LIPF: variants seen among roughly 807,000 people sequenced by gnomAD.
The protein encoded by LIPF is gastric triacylglycerol lipase.
In LIPF, 25 loss-of-function variants were observed where a neutral mutation model predicts 38.0. The ratio of observed to expected loss-of-function variants is 0.66; its 90% CI spans 0.48 to 0.92. LIPF has a LOEUF of 0.92. Among genes scored for constraint, LIPF ranks in the 40% least tolerant of loss-of-function variants. The probability of loss-of-function intolerance (pLI) is 0.00; values close to 1 mark genes in which losing one functional copy is unlikely to be tolerated. For synonymous variants in LIPF, 161 were observed against 156.2 expected, an observed-to-expected ratio of 1.03 and a Z score of -0.23; for missense variants, 410 against 469.9, an observed-to-expected ratio of 0.87 and a Z score of 1.18.
intron 7 of LIPF, 61 bp downstream of exon 7, chr10:88,673,795 C>A: frequency 1.4e-6 from 2 of 1,380,386 alleles, no homozygotes; most frequent in South Asian, 1.2e-5. Flanking sequence ...GTTTCATTGC[C>A]ACTTAGAAGT....
intron 4 of LIPF, 167 bp from the exon 5 acceptor site, chr10:88,669,670 A>G (rs1841565146): frequency 1.4e-5 from 7 of 510,736 alleles, no homozygotes; most frequent in South Asian, 1.4e-4. Context: ...GTTGTTTATA[A>G]GAAGCTGCCC....
rs1361644880 is a variant in LIPF at position 88,667,586 on chromosome 10, T to C, written c.123T>C (p.Tyr41=). The change falls in exon 3 of 10, where the codon TAT becomes TAC. Residue 41 remains tyrosine, a synonymous_variant. Transcript: ENST00000238983. The part of the protein sequence containing the change: ...VTMNISQMIT[Y]WGYPNEEYEV... ...TTCCTCAGAGTCAGATGATTACTTA[T>C]TGGGGATACCCAAATGAAGAATATG... The C allele has an allele frequency of 1.3e-6, 2 of 1,587,222 alleles. No individual in the cohort carries two copies. Among genetic ancestry groups the C allele is most frequent in the South Asian group, 2.2e-5 (2 of 89,808 alleles).
intron 1 of LIPF, among the ~76,000 whole-genome samples, chr10:88,666,012 C>T (rs1178027553): frequency 6.6e-6 from 1 of 152,168 alleles, no homozygotes; most frequent in East Asian, 1.9e-4. Context: ...GCTGGGTTTG[C>T]AGGCATGAGC....
chr10:88,666,477 C>G (rs140936124), intron 1 of LIPF, among the ~76,000 whole-genome samples: 1 of 152,116 alleles, frequency 6.6e-6, no homozygotes, highest in Non-Finnish European at 1.5e-5. Flanking sequence ...AGCTTTTTCA[C>G]CAGCTTAATA....
In LIPF at chr10:88,675,523, G is replaced by T. The variant is rs17333900; in HGVS notation, c.817-63G>T. 132,873 of 1,232,028 alleles carry T rather than the reference G, an allele frequency of 0.11. 7,914 individuals carry two copies. Among genetic ancestry groups the T allele is most frequent in the South Asian group, 0.17 (13,677 of 79,932 alleles). 76.3% of individuals were successfully genotyped at this position (1,232,028 alleles called of 1,614,324 possible). ...GAATCAGAAAACATAAATCTTTACT[G>T]TTTTTAAGAAACTGAGTATGTGTCT... is the stretch of plus-strand genomic sequence containing the variant. On this transcript the variant is annotated intron_variant, in intron 7 of 9. Coordinates refer to ENST00000238983, the MANE Select transcript of LIPF (RefSeq NM_004190.4).
chr10:88,667,392 C>G lies in LIPF; in HGVS notation c.95C>G (p.Thr32Ser). 1 of 1,578,462 alleles carries G rather than the reference C, an allele frequency of 6.3e-7. No homozygotes were observed. The highest frequency in any genetic ancestry group is 8.7e-7 in the Non-Finnish European group (1 of 1,148,126). ...TTACATCCTGGAAGCCCTGAAGTGA[C>G]TATGAACATTGTAAGTTACTCTGGG... ...GKLHPGSPEV[T>S]MNISQMITYW... is the part of the protein sequence containing the mutation. The change falls in exon 2 of 10, where the codon ACT (threonine) becomes AGT (serine). Residue 32 changes from threonine to serine, a missense_variant. Coordinates refer to ENST00000238983, the MANE Select transcript of LIPF (RefSeq NM_004190.4).
chr10:88,672,666 A>ACT (rs1345269877), intron 6 of LIPF, among the ~76,000 whole-genome samples: 24 of 121,928 alleles, frequency 2.0e-4, no homozygotes, highest in African/African-American at 5.7e-4. Context: ...ACACACACAC[A>ACT]CACACTCTCT....
At chr10:88,672,030 A>G in intron 6 of LIPF, 65 bp downstream of exon 6, 4 of 1,411,362 alleles carry the variant, frequency 2.8e-6, no homozygotes, top group Non-Finnish European at 3.9e-6. Flanking sequence ...TTAAAGTTAT[A>G]GAAAGAGAAC....
chr10:88,667,144 CAT>C (rs1384323449), intron 1 of LIPF, 141 bp from the exon 2 acceptor site: 6 of 546,734 alleles, frequency 1.1e-5, no homozygotes, highest in African/African-American at 7.6e-5. Flanking sequence ...TGCTGACATC[CAT>C]ATGTCTCATT....
chr10:88,668,702 G>A lies in LIPF; in HGVS notation c.368G>A (p.Trp123Ter), dbSNP rs757026147. The A allele has an allele frequency of 4.3e-6, 7 of 1,614,082 alleles. No individual in the cohort carries two copies. The highest frequency in any genetic ancestry group is 5.9e-6 in the Non-Finnish European group (7 of 1,179,974). ...CTGGGCAACAGCAGAGGAAACACCTGGGCCAGAAGAAACTTGTACTATTCA... is the reference window on the plus strand; with the variant it reads ...CTGGGCAACAGCAGAGGAAACACCTAGGCCAGAAGAAACTTGTACTATTCA... ...VWLGNSRGNT[W>*]ARRNLYYSPD... is the part of the protein sequence containing the mutation. The change falls in exon 4 of 10, where the codon TGG becomes TAG. Residue 123 changes from tryptophan (W) to a stop codon, truncating the protein, a stop_gained. Transcript: ENST00000238983. LOFTEE classifies it high-confidence loss of function.
At chr10:88,676,599 T>C in intron 9 of LIPF, among the ~76,000 whole-genome samples, 1 of 152,220 alleles carries the variant, frequency 6.6e-6, no homozygotes, top group South Asian at 2.1e-4. Context: ...GAAGTACTAA[T>C]ACCTGATATA....
In LIPF at chr10:88,673,579, A is replaced by G. The variant is rs1015778369; in HGVS notation, c.670-9A>G. The G allele has an allele frequency of 6.2e-7, 1 of 1,603,500 alleles. No individual in the cohort carries two copies. Among genetic ancestry groups the G allele is most frequent in the Non-Finnish European group, 8.5e-7 (1 of 1,174,108 alleles). On this transcript the variant is annotated splice_polypyrimidine_tract_variant and intron_variant, in intron 6 of 9. Transcript: ENST00000238983. ...GCTACAACCCTCTAATAGTGCCTTTATTTTTCAGTTTATATTTGGTGACAA... is the reference window on the plus strand; with the variant it reads ...GCTACAACCCTCTAATAGTGCCTTTGTTTTTCAGTTTATATTTGGTGACAA...
At chr10:88,675,752 C>T (rs1841676966) in intron 8 of LIPF, 95 bp downstream of exon 8, 7 of 768,404 alleles carry the variant, frequency 9.1e-6, no homozygotes, top group South Asian at 2.1e-5. Context: ...GCTGAGTACA[C>T]CTGGAAGGTA....
At chr10:88,667,015 T>C (rs1014683699) in intron 1 of LIPF, among the ~76,000 whole-genome samples, 1 of 152,044 alleles carries the variant, frequency 6.6e-6, no homozygotes, top group African/African-American at 2.4e-5. Flanking sequence ...TAATTCAGTA[T>C]GGCTTGAAAC....
At chr10:88,667,145 A>T in intron 1 of LIPF, 142 bp from the exon 2 acceptor site, 1 of 551,736 alleles carries the variant, frequency 1.8e-6, no homozygotes, top group African/African-American at 1.9e-5. Flanking sequence ...GCTGACATCC[A>T]TATGTCTCAT....
At chr10:88,672,660 A>ACT (rs1255286986) in intron 6 of LIPF, among the ~76,000 whole-genome samples, 12 of 125,540 alleles carry the variant, frequency 9.6e-5, no homozygotes, top group Admixed American at 6.8e-4. Flanking sequence ...ACACACACAC[A>ACT]CACACACACA....
intron 6 of LIPF, among the ~76,000 whole-genome samples, chr10:88,672,753 T>C (rs1045599873): frequency 6.6e-6 from 1 of 152,016 alleles, no homozygotes; most frequent in African/African-American, 2.4e-5. Context: ...TTTCCTTCTA[T>C]GGTTTTGTAC....
Position 88,668,570 on chromosome 10 carries a change from T to C in LIPF, c.236T>C (p.Val79Ala), listed in dbSNP as rs781298142. The C allele has an allele frequency of 1.2e-6, 2 of 1,614,174 alleles. No individual in the cohort carries two copies. Among genetic ancestry groups the C allele is most frequent in the Non-Finnish European group, 1.7e-6 (2 of 1,179,990 alleles). ...KNSGNTGQRP[V>A]VFLQHGLLAS... ...TTTTCTTCCTTAGGCCAGAGACCTGTTGTGTTTTTGCAGCATGGTTTGCTT... is the reference window on the plus strand; with the variant it reads ...TTTTCTTCCTTAGGCCAGAGACCTGCTGTGTTTTTGCAGCATGGTTTGCTT... The change falls in exon 4 of 10, where the codon GTT becomes GCT. Residue 79 changes from valine to alanine, a missense_variant. Transcript: ENST00000238983.
Position 88,667,819 on chromosome 10 carries a change from G to A in LIPF, c.223+133G>A, listed in dbSNP as rs986264875. The A allele has an allele frequency of 1.9e-5, 11 of 566,090 alleles. No individual in the cohort carries two copies. In the Admixed American group the frequency reaches 3.2e-4, roughly 17 times the overall value. The allele number at this position is 566,090 out of a possible 1,614,324, so 35.1% of individuals were successfully genotyped here. ...TCCCTTTTTCCTCCTTTTATTTCTT[G>A]CTAAAAATGTAATGTCTTGCTCATT... On this transcript the variant is annotated intron_variant, in intron 3 of 9. Transcript: ENST00000238983.
Sources: allele counts gnomAD v4.1 joint callset (sites outside exome capture counted in the v4.1 genomes callset), GRCh38; gene constraint gnomAD v4.1.1; transcripts MANE v1.5; gene names NCBI Gene and HGNC (gene_info 2026-07-23, HGNC 2026-07-21).